The following RIN2 variants were observed in gnomAD, a reference collection of about 807,000 sequenced individuals.
RIN2 encodes the protein RAB5 interacting protein 2.
A neutral mutation model predicts 78.0 loss-of-function variants in RIN2; 36 were observed. The observed-to-expected ratio is 0.46, with a 90% CI of 0.35 to 0.61. The LOEUF is 0.61. Ranked by LOEUF, RIN2 falls within the 20% of genes least tolerant of loss-of-function variation. The pLI is 0.00. For synonymous variants in RIN2, 466 were observed against 466.8 expected (o/e 1.00, Z 0.02); for missense variants, 1,087 against 1,159.7 (o/e 0.94, Z 0.91).
rs114462753 is a variant in RIN2, at chr20:19,805,337, G to C, written c.-37+5590G>C. Among the ~76,000 whole-genome samples the C allele has an allele frequency of 2.7e-3, 409 of 152,300 alleles. 1 individual carries two copies. Among genetic ancestry groups the C allele is most frequent in the African/African-American group, 9.4e-3 (391 of 41,552 alleles). The stretch of plus-strand genomic sequence containing the variant: ...ACCATCACTGCGACAGACTGTGTAG[G>C]ATTCATCTTCGAATAGTCCAACTAT... On this transcript the variant is annotated intron_variant, in intron 2 of 12. Transcript: ENST00000255006.
At chr20:19,955,099 C>T (rs967402718) in intron 4 of RIN2, among the ~76,000 whole-genome samples, 3 of 152,132 alleles carry the variant, frequency 2.0e-5, no homozygotes, top group East Asian at 1.9e-4. Flanking sequence ...TGTTTGCAAT[C>T]GCTCCCCATT....
chr20:19,802,535 C>T (rs1024716610), intron 2 of RIN2, among the ~76,000 whole-genome samples: 9 of 151,634 alleles, frequency 5.9e-5, no homozygotes, highest in African/African-American at 2.2e-4. Flanking sequence ...TTCCCCTTGC[C>T]ACAGTGTGAC....
intron 2 of RIN2, among the ~76,000 whole-genome samples, chr20:19,836,340 G>A (rs551449234): frequency 2.1e-4 from 32 of 152,208 alleles, no homozygotes; most frequent in African/African-American, 7.0e-4. Flanking sequence ...TCCTCATGAC[G>A]CCATCGCACC....
intron 2 of RIN2, among the ~76,000 whole-genome samples, chr20:19,870,889 G>C (rs1167303421): frequency 2.0e-5 from 3 of 152,166 alleles, no homozygotes; most frequent in Non-Finnish European, 4.4e-5. Flanking sequence ...CTTCGTTTGG[G>C]ATGCTGACTT....
At chr20:19,846,099 G>A (rs2036773372) in intron 2 of RIN2, among the ~76,000 whole-genome samples, 1 of 152,198 alleles carries the variant, frequency 6.6e-6, no homozygotes, top group East Asian at 1.9e-4. Flanking sequence ...ACCTGTTTTG[G>A]TACCATTACT....
chr20:19,857,678 A>G (rs1416787827), intron 2 of RIN2, among the ~76,000 whole-genome samples: 5 of 152,106 alleles, frequency 3.3e-5, no homozygotes, highest in African/African-American at 1.2e-4. Context: ...GGAGTGTCTC[A>G]ATGTGGCTTT....
At chr20:19,920,607 A>G (rs941602879) in intron 3 of RIN2, among the ~76,000 whole-genome samples, 17 of 152,256 alleles carry the variant, frequency 1.1e-4, no homozygotes, top group Admixed American at 3.9e-4. Flanking sequence ...CTCTGTGAGC[A>G]TGCGCCAAAT....
chr20:19,955,966 T>G (rs973854745), intron 4 of RIN2, among the ~76,000 whole-genome samples: 4 of 152,088 alleles, frequency 2.6e-5, no homozygotes, highest in Non-Finnish European at 5.9e-5. Flanking sequence ...GTTAGAAATG[T>G]TTTATATTGG....
At chr20:19,875,697 A>G (rs1165108019) in intron 2 of RIN2, among the ~76,000 whole-genome samples, 1 of 152,216 alleles carries the variant, frequency 6.6e-6, no homozygotes, top group East Asian at 1.9e-4. Context: ...GGCCTGCAGG[A>G]TGGAATGAAA....
intron 2 of RIN2, among the ~76,000 whole-genome samples, chr20:19,809,962 A>G (rs1413294157): frequency 6.6e-6 from 1 of 152,124 alleles, no homozygotes. Flanking sequence ...CGCTGCGACC[A>G]CTGAGATAGA....
chr20:19,886,689 A>C (rs1352597834), intron 2 of RIN2: 5 of 1,542,118 alleles, frequency 3.2e-6, no homozygotes, highest in South Asian at 1.2e-5. Context: ...TCATTTTCTC[A>C]AGAATCCACT....
intron 2 of RIN2, chr20:19,871,885 G>C (rs1254392508): frequency 1.3e-5 from 2 of 152,138 alleles, no homozygotes; most frequent in Non-Finnish European, 2.9e-5. Context: ...AGGAATTGTG[G>C]ACTCTTAAGT....
At chr20:19,806,327 A>C (rs1036039389) in intron 2 of RIN2, among the ~76,000 whole-genome samples, 6 of 152,192 alleles carry the variant, frequency 3.9e-5, no homozygotes, top group Non-Finnish European at 7.4e-5. Context: ...ACTAGTTTAC[A>C]CTCCCACCAA....
chr20:19,964,282 A>G (rs79940296), intron 6 of RIN2, among the ~76,000 whole-genome samples: 1,833 of 149,222 alleles, frequency 0.012, 40 homozygotes, highest in African/African-American at 0.043. Context: ...GAGAGAGAGA[A>G]AAAAAAAAAG....
chr20:19,865,281 T>C (rs902449050), intron 2 of RIN2, among the ~76,000 whole-genome samples: 1 of 152,120 alleles, frequency 6.6e-6, no homozygotes. Flanking sequence ...TTCTATACAG[T>C]ATAGTCACAA....
In RIN2 at chr20:19,875,252, G is replaced by A. The variant is rs556704768; in HGVS notation, c.-36-14314G>A. On this transcript the variant is annotated intron_variant, in intron 2 of 12. Transcript: ENST00000255006. ...TGGCTCACTGCAACCTCCACCTCCC[G>A]GGTTGAAGCAATTTTCCTGCCTCAG... Among the ~76,000 whole-genome samples, 47 of 152,172 alleles carry A rather than the reference G, an allele frequency of 3.1e-4. 1 individual carries two copies. Among genetic ancestry groups the A allele is most frequent in the South Asian group, 2.9e-3 (14 of 4,816 alleles).
chr20:19,807,606 C>A (rs1362241947), intron 2 of RIN2, among the ~76,000 whole-genome samples: 1 of 152,076 alleles, frequency 6.6e-6, no homozygotes, highest in Non-Finnish European at 1.5e-5. Flanking sequence ...ACAGTGACAA[C>A]CTGTTAGCAC....
chr20:19,792,306 G>A (rs747252315), intron 1 of RIN2, among the ~76,000 whole-genome samples: 17 of 152,114 alleles, frequency 1.1e-4, no homozygotes, highest in Non-Finnish European at 2.2e-4. Context: ...AAAAGATGGC[G>A]AAAGGAAGAT....
chr20:19,856,536 A>C (rs1332466947), intron 2 of RIN2, among the ~76,000 whole-genome samples: 2 of 147,200 alleles, frequency 1.4e-5, no homozygotes, highest in Non-Finnish European at 3.0e-5. Context: ...TTGTCTCAGA[A>C]AAAAAAAAAA....
Sources: allele counts gnomAD v4.1 joint callset (sites outside exome capture counted in the v4.1 genomes callset), GRCh38; gene constraint gnomAD v4.1.1; transcripts MANE v1.5; gene names NCBI Gene and HGNC (gene_info 2026-07-23, HGNC 2026-07-21).